The following GSTCD variants were observed in gnomAD, a reference collection of about 807,000 sequenced individuals.
The protein encoded by GSTCD is glutathione S-transferase C-terminal domain containing.
Under a neutral mutation model 68.3 loss-of-function variants are expected in GSTCD, and 44 were observed. That is an observed-to-expected ratio of 0.64 (90% CI 0.51 to 0.83). GSTCD has a LOEUF of 0.83. GSTCD is among the 40% of genes least tolerant of loss of function. The probability of loss-of-function intolerance (pLI) is 0.00; values close to 1 mark genes in which losing one functional copy is unlikely to be tolerated. For missense variants in GSTCD, 739 were observed against 735.9 expected, an observed-to-expected ratio of 1.00 and a Z score of -0.05; for synonymous variants, 273 against 255.2, an observed-to-expected ratio of 1.07 and a Z score of -0.67.
At chr4:105,839,012 A>G (rs1448688665) in intron 10 of GSTCD, among the ~76,000 whole-genome samples, 1 of 152,090 alleles carries the variant, frequency 6.6e-6, no homozygotes, top group Non-Finnish European at 1.5e-5. Flanking sequence ...CAGCAGCTGT[A>G]TCTCCTTCAT....
rs374659477 is a variant in GSTCD, at chr4:105,711,350, G to A, written c.-22+2334G>A. Among the ~76,000 whole-genome samples, 11 of 152,242 alleles carry A rather than the reference G, an allele frequency of 7.2e-5. No homozygotes were observed. In the South Asian group the frequency reaches 1.2e-3, roughly 17 times the overall value. ...TATGCACATGGATTAAGGGTTTCAC[G>A]TTTATATTTTACCATTTCATGATTC... On this transcript the variant is annotated intron_variant, in intron 1 of 11. Coordinates refer to ENST00000515279, the MANE Select transcript of GSTCD (RefSeq NM_001370181.1).
chr4:105,799,852 A>C (rs1736038581), intron 5 of GSTCD, among the ~76,000 whole-genome samples: 1 of 152,026 alleles, frequency 6.6e-6, no homozygotes, highest in Non-Finnish European at 1.5e-5. Flanking sequence ...TAAAAAACAC[A>C]GTATTTCTAA....
intron 5 of GSTCD, among the ~76,000 whole-genome samples, chr4:105,766,372 A>G (rs996213852): frequency 3.3e-5 from 5 of 152,200 alleles, no homozygotes; most frequent in Non-Finnish European, 5.9e-5. Context: ...CCTTGCTCCT[A>G]CCTTCCATCC....
At chr4:105,833,251 G>A (rs1578521475) in intron 8 of GSTCD, among the ~76,000 whole-genome samples, 1 of 152,102 alleles carries the variant, frequency 6.6e-6, no homozygotes, top group African/African-American at 2.4e-5. Flanking sequence ...GATCACCTGC[G>A]GTCGGGAGTT....
chr4:105,719,123 G>A lies in GSTCD; in HGVS notation c.490G>A (p.Glu164Lys). The change falls in exon 3 of 12, where the codon GAA (glutamate) becomes AAA (lysine). Residue 164 changes from glutamate (E) to lysine (K), a missense_variant. Transcript: ENST00000515279. Reference sequence around the variant, plus strand: ...TTTGGCTATTGAGAATTTTCTCAGAGAATCTTCTGACCAGCCCCCAACTAT... The same window carrying A: ...TTTGGCTATTGAGAATTTTCTCAGAAAATCTTCTGACCAGCCCCCAACTAT... ...IPLAIENFLR[E>K]SSDQPPTIPV... 6.2e-7 allele frequency: 1 copy of A among 1,614,068 alleles called. No homozygotes were observed. Among genetic ancestry groups the A allele is most frequent in the Non-Finnish European group, 8.5e-7 (1 of 1,179,982 alleles).
At chr4:105,794,019 G>A (rs1172257848) in intron 5 of GSTCD, among the ~76,000 whole-genome samples, 2 of 151,996 alleles carry the variant, frequency 1.3e-5, no homozygotes, top group African/African-American at 4.8e-5. Context: ...AAAGAGATGA[G>A]CTGCTTTTCT....
Position 105,766,123 on chromosome 4 carries a change from T to C in GSTCD, c.1240+36624T>C, listed in dbSNP as rs1030625653. Among the ~76,000 whole-genome samples the C allele has an allele frequency of 1.3e-5, 2 of 152,266 alleles. 1 individual carries two copies. The highest frequency in any genetic ancestry group is 6.8e-3 in the Middle Eastern group (2 of 294). Reference sequence around the variant, plus strand: ...ATTTAATACGGGATATTAAATGATATAGGTGATGAAAGCTCTAGAAGCCAA... The same window carrying C: ...ATTTAATACGGGATATTAAATGATACAGGTGATGAAAGCTCTAGAAGCCAA... On this transcript the variant is annotated intron_variant, in intron 5 of 11. Coordinates refer to ENST00000515279, the MANE Select transcript of GSTCD (RefSeq NM_001370181.1).
intron 5 of GSTCD, among the ~76,000 whole-genome samples, chr4:105,789,928 G>C (rs1161516124): frequency 1.3e-5 from 2 of 150,188 alleles, no homozygotes; most frequent in African/African-American, 2.5e-5. Flanking sequence ...ATTTTCTCTA[G>C]TCATTAAAAA....
At chr4:105,764,870 C>T (rs1734546643) in intron 5 of GSTCD, among the ~76,000 whole-genome samples, 1 of 152,124 alleles carries the variant, frequency 6.6e-6, no homozygotes, top group Non-Finnish European at 1.5e-5. Flanking sequence ...TAGCATTGTG[C>T]AACAAATAAA....
In GSTCD at chr4:105,719,399, A is replaced by G. The variant is rs747701669; in HGVS notation, c.766A>G (p.Asn256Asp). Residue 256 changes from asparagine to aspartate, a missense_variant, in exon 3 of 12, where the codon AAC (asparagine) becomes GAC (aspartate). Physicochemically the swap from Asn to Asp is conservative, Grantham distance 23 (BLOSUM62 1). Coordinates refer to ENST00000515279, the MANE Select transcript of GSTCD (RefSeq NM_001370181.1). Reference sequence around the variant, plus strand: ...AGTACAGGAAGAACCAGCTACTACCAACAGAGAGCCTTCTCACATCAGAAA... The same window carrying G: ...AGTACAGGAAGAACCAGCTACTACCGACAGAGAGCCTTCTCACATCAGAAA... Reference protein sequence around the residue: ...LTVQEEPATTNREPSHIRKAK... With the variant: ...LTVQEEPATTDREPSHIRKAK... 2 of 1,614,104 alleles carry G rather than the reference A, an allele frequency of 1.2e-6. No homozygotes were observed. The highest frequency in any genetic ancestry group is 8.5e-7 in the Non-Finnish European group (1 of 1,179,974).
intron 5 of GSTCD, among the ~76,000 whole-genome samples, chr4:105,769,231 GCGCACACA>G (rs1185015741): frequency 8.1e-4 from 49 of 60,162 alleles, no homozygotes; most frequent in Admixed American, 1.2e-3. Context: ...CTATACACGC[GCGCACACA>G]CACACACACA....
intron 5 of GSTCD, among the ~76,000 whole-genome samples, chr4:105,759,341 C>T (rs1234533052): frequency 6.6e-6 from 1 of 151,452 alleles, no homozygotes; most frequent in African/African-American, 2.4e-5. Flanking sequence ...AAAAGAATAA[C>T]CTACATCTAG....
Position 105,708,961 on chromosome 4 carries a change from C to T in GSTCD, c.-77C>T, listed in dbSNP as rs182425733. The stretch of plus-strand genomic sequence containing the variant: ...GACTGGGCGGGAAGGCGCAGGCGGC[C>T]CAGGTCGCCGACACGCTCACGCACC... On this transcript the variant is annotated 5_prime_UTR_variant, in exon 1 of 12. Transcript: ENST00000515279. 2 of 152,800 alleles carry T rather than the reference C, an allele frequency of 1.3e-5. No individual in the cohort carries two copies. Among genetic ancestry groups the T allele is most frequent in the South Asian group, 2.1e-4 (1 of 4,818 alleles). 9.5% of individuals were successfully genotyped at this position (152,800 alleles called of 1,614,324 possible).
chr4:105,715,120 A>G (rs973487211), intron 1 of GSTCD, among the ~76,000 whole-genome samples: 2 of 152,114 alleles, frequency 1.3e-5, no homozygotes, highest in African/African-American at 2.4e-5. Context: ...TTACTCTCCT[A>G]CTGTCAGGAG....
rs183627406 is a variant in GSTCD at position 105,766,106 on chromosome 4, C to T, written c.1240+36607C>T. On this transcript the variant is annotated intron_variant, in intron 5 of 11. Coordinates refer to ENST00000515279, the MANE Select transcript of GSTCD (RefSeq NM_001370181.1). The stretch of plus-strand genomic sequence containing the variant: ...TACTTCAAACAGGGATAATTTAATA[C>T]GGGATATTAAATGATATAGGTGATG... Among the ~76,000 whole-genome samples the T allele has an allele frequency of 2.5e-3, 377 of 152,124 alleles. 1 individual carries two copies. The highest frequency in any genetic ancestry group is 6.6e-3 in the South Asian group (32 of 4,818).
At chr4:105,763,992 T>A (rs1361002465) in intron 5 of GSTCD, among the ~76,000 whole-genome samples, 1 of 152,162 alleles carries the variant, frequency 6.6e-6, no homozygotes, top group Admixed American at 6.6e-5. Context: ...TTGTTTGTAT[T>A]CTTTCTTATA....
At chr4:105,836,459 C>A (rs1724123768) in intron 9 of GSTCD, among the ~76,000 whole-genome samples, 1 of 152,208 alleles carries the variant, frequency 6.6e-6, no homozygotes, top group Non-Finnish European at 1.5e-5. Context: ...CTGCCCCTTT[C>A]TACCTAGGAG....
chr4:105,772,852 C>G (rs1329486714), intron 5 of GSTCD, among the ~76,000 whole-genome samples: 1 of 152,142 alleles, frequency 6.6e-6, no homozygotes. Flanking sequence ...GTTTTAGTAT[C>G]AGGATGATGT....
intron 5 of GSTCD, among the ~76,000 whole-genome samples, chr4:105,780,339 G>A (rs28712617): frequency 2.0e-5 from 3 of 152,178 alleles, no homozygotes; most frequent in Non-Finnish European, 4.4e-5. Context: ...TTGGCTCACT[G>A]GTTTGCCCTA....
Sources: allele counts gnomAD v4.1 joint callset (sites outside exome capture counted in the v4.1 genomes callset), GRCh38; gene constraint gnomAD v4.1.1; transcripts MANE v1.5; gene names NCBI Gene and HGNC (gene_info 2026-07-23, HGNC 2026-07-21).